The following MICAL3 variants were observed in gnomAD, a reference collection of about 807,000 sequenced individuals.
MICAL3 encodes [F-actin]-monooxygenase MICAL3.
In MICAL3, 62 loss-of-function variants were observed where a neutral mutation model predicts 207.4. That is an observed-to-expected ratio of 0.30 (90% CI 0.24 to 0.37). MICAL3 has a LOEUF of 0.37. MICAL3 is among the 10% of genes least tolerant of loss of function. The probability of loss-of-function intolerance (pLI) is 1.00; values close to 1 mark genes in which losing one functional copy is unlikely to be tolerated. For synonymous variants in MICAL3, 1,077 were observed against 1,069.3 expected, an observed-to-expected ratio of 1.01 and a Z score of -0.14; for missense variants, 2,368 against 2,635.6, an observed-to-expected ratio of 0.90 and a Z score of 2.22.
At chr22:17,847,758 C>T (rs1161654597) in intron 19 of MICAL3, among the ~76,000 whole-genome samples, 4 of 152,206 alleles carry the variant, frequency 2.6e-5, no homozygotes, top group African/African-American at 9.7e-5. Context: ...CTGTTTTTAC[C>T]AGGCGGTACT....
chr22:17,846,763 A>T (rs927985409), intron 19 of MICAL3, among the ~76,000 whole-genome samples: 1 of 152,206 alleles, frequency 6.6e-6, no homozygotes, highest in East Asian at 1.9e-4. Flanking sequence ...GGGATGAAAG[A>T]TCTGCAATAA....
At chr22:17,912,559 A>T (rs147505163) in intron 1 of MICAL3, among the ~76,000 whole-genome samples, 1,827 of 152,266 alleles carry the variant, frequency 0.012, 18 homozygotes, top group Middle Eastern at 0.027. Flanking sequence ...TCCTTGGCTA[A>T]TTCCTAAGTG....
intron 8 of MICAL3, among the ~76,000 whole-genome samples, 154 bp downstream of exon 8, chr22:17,896,570 C>T (rs1226437181): frequency 6.6e-6 from 1 of 152,184 alleles, no homozygotes; most frequent in Non-Finnish European, 1.5e-5. Flanking sequence ...TCCCAGTGGC[C>T]TGTAGCCCTC....
chr22:17,843,007 G>C (rs994255548), intron 19 of MICAL3, among the ~76,000 whole-genome samples: 2 of 151,592 alleles, frequency 1.3e-5, no homozygotes, highest in Non-Finnish European at 2.9e-5. Context: ...TGTAGTCCCA[G>C]CTACTCGGGA....
At chr22:18,000,087 G>A (rs1922764053) in intron 1 of MICAL3, among the ~76,000 whole-genome samples, 1 of 152,180 alleles carries the variant, frequency 6.6e-6, no homozygotes, top group African/African-American at 2.4e-5. Context: ...GCGACTGTAG[G>A]AAGATGTCTT....
intron 19 of MICAL3, among the ~76,000 whole-genome samples, chr22:17,846,182 C>A (rs1475129611): frequency 6.6e-6 from 1 of 152,196 alleles, no homozygotes; most frequent in African/African-American, 2.4e-5. Flanking sequence ...CTGTGCCAGA[C>A]CCACCAGGCC....
intron 1 of MICAL3, among the ~76,000 whole-genome samples, chr22:17,999,668 G>T (rs1238767037): frequency 6.6e-6 from 1 of 152,204 alleles, no homozygotes; most frequent in Non-Finnish European, 1.5e-5. Context: ...GGGGTTTGGG[G>T]GGAGGAATTA....
At chr22:17,998,413 A>G (rs1315751233) in intron 1 of MICAL3, among the ~76,000 whole-genome samples, 1 of 139,218 alleles carries the variant, frequency 7.2e-6, no homozygotes, top group African/African-American at 2.8e-5. Flanking sequence ...ATAAAATGGG[A>G]ATAATAGACT....
At chr22:17,957,756 G>GAA (rs1190692463) in intron 1 of MICAL3, among the ~76,000 whole-genome samples, 27 of 150,184 alleles carry the variant, frequency 1.8e-4, no homozygotes, top group African/African-American at 6.4e-4. Flanking sequence ...GAGAGAGAGA[G>GAA]AGAGAGAATG....
intron 1 of MICAL3, among the ~76,000 whole-genome samples, chr22:17,999,411 T>TG (rs570546017): frequency 6.6e-6 from 1 of 152,062 alleles, no homozygotes; most frequent in Non-Finnish European, 1.5e-5. Context: ...GGAGGAGGAA[T>TG]GGGGGGGACC....
chr22:17,891,699 T>C, intron 11 of MICAL3, 67 bp from the exon 12 acceptor site: 1 of 1,490,300 alleles, frequency 6.7e-7, no homozygotes, highest in Non-Finnish European at 9.3e-7. Context: ...AGAATCCTCT[T>C]TGTAGGACAC....
At chr22:17,999,547 T>C (rs1201147619) in intron 1 of MICAL3, among the ~76,000 whole-genome samples, 1 of 152,222 alleles carries the variant, frequency 6.6e-6, no homozygotes, top group Admixed American at 6.5e-5. Flanking sequence ...ATCTGCTACG[T>C]GCCAAGGACT....
rs140689077 is a variant in MICAL3 at position 17,830,138 on chromosome 22, G to A, written c.3055+1716C>T. 9.4e-4 allele frequency among the ~76,000 whole-genome samples: 143 copies of A among 152,232 alleles called. 1 individual carries two copies. The highest frequency in any genetic ancestry group is 2.7e-3 in the Admixed American group (41 of 15,302). On this transcript the variant is annotated intron_variant, in intron 21 of 31. Transcript: ENST00000441493. ...ACTGGCCTTGCAGTTCTGTGTCCCA[G>A]GGGCAGTACTCCCCTTCTACAGCAG... is the stretch of plus-strand genomic sequence containing the variant.
intron 18 of MICAL3, 33 bp downstream of exon 18, chr22:17,865,891 C>T: frequency 6.4e-7 from 1 of 1,563,400 alleles, no homozygotes; most frequent in Non-Finnish European, 8.8e-7. Context: ...ACACCCACTG[C>T]TTCTCCCCCA....
intron 1 of MICAL3, among the ~76,000 whole-genome samples, chr22:17,966,967 G>T (rs1935170706): frequency 6.6e-6 from 1 of 152,178 alleles, no homozygotes; most frequent in African/African-American, 2.4e-5. Flanking sequence ...AGTGGAACAG[G>T]GGAAATAGGA....
intron 22 of MICAL3, 66 bp from the exon 23 acceptor site, chr22:17,823,126 G>C: frequency 9.4e-7 from 1 of 1,061,638 alleles, no homozygotes; most frequent in Non-Finnish European, 1.4e-6. Flanking sequence ...GCATCTTCAC[G>C]GGGGCGAGAG....
intron 5 of MICAL3, 37 bp from the exon 6 acceptor site, chr22:17,901,034 G>T: frequency 6.2e-7 from 1 of 1,602,580 alleles, no homozygotes; most frequent in South Asian, 1.1e-5. Flanking sequence ...GATAATCATT[G>T]GCTAGAGAAG....
intron 16 of MICAL3, chr22:17,875,491 A>T: frequency 1.3e-6 from 2 of 1,555,842 alleles, no homozygotes; most frequent in Non-Finnish European, 1.7e-6. Context: ...CGGGCAGAGG[A>T]GCGGAGACTA....
At chr22:18,002,309 A>G (rs923302166) in intron 1 of MICAL3, among the ~76,000 whole-genome samples, 1 of 151,456 alleles carries the variant, frequency 6.6e-6, no homozygotes, top group Non-Finnish European at 1.5e-5. Context: ...GGGAATTTCA[A>G]ATTTTTGGAG....
Sources: gnomAD v4.1 joint callset for allele counts (sites outside exome capture counted in the v4.1 genomes callset) on GRCh38, gnomAD v4.1.1 for gene constraint, MANE v1.5 for transcripts, NCBI Gene and HGNC (gene_info 2026-07-23, HGNC 2026-07-21) for gene names.